Variants in DNAAF11 observed in about 807,000 individuals in gnomAD.
The protein encoded by DNAAF11 is leucine rich repeat containing 6.
DNAAF11 carries 45 observed loss-of-function variants against 60.8 expected under a neutral mutation model. The ratio of observed to expected loss-of-function variants is 0.74; its 90% CI spans 0.58 to 0.95. The LOEUF (loss-of-function observed/expected upper bound fraction) is 0.95, where lower values mean the gene tolerates loss of function less well. DNAAF11 is among the 40% of genes least tolerant of loss of function. The pLI, the probability that DNAAF11 is intolerant of heterozygous loss-of-function variation, is 0.00. For synonymous variants in DNAAF11, 191 were observed against 183.5 expected, an observed-to-expected ratio of 1.04 and a Z score of -0.33; for missense variants, 546 against 546.2, an observed-to-expected ratio of 1.00 and a Z score of 0.00.
the DNAAF11 span, among the ~76,000 whole-genome samples, chr8:132,683,826 G>C: frequency 2.1e-5 from 2 of 95,706 alleles, no homozygotes; most frequent in Admixed American, 1.6e-4. Context: ...AGAAGCTCAA[G>C]TGACCCCTCC....
intron 11 of DNAAF11, among the ~76,000 whole-genome samples, chr8:132,579,335 A>G (rs1815081299): frequency 6.6e-6 from 1 of 152,286 alleles, no homozygotes; most frequent in South Asian, 2.1e-4. Flanking sequence ...ACTTATAGAC[A>G]GGCAGCAGAG....
intron 3 of DNAAF11, among the ~76,000 whole-genome samples, chr8:132,648,371 G>A (rs1224055755): frequency 6.6e-6 from 1 of 152,086 alleles, no homozygotes; most frequent in Admixed American, 6.5e-5. Context: ...AAAATATTAA[G>A]AGCTATTTAT....
chr8:132,581,008 A>C (rs567899848), intron 11 of DNAAF11, among the ~76,000 whole-genome samples: 1 of 152,224 alleles, frequency 6.6e-6, no homozygotes, highest in South Asian at 2.1e-4. Flanking sequence ...ACAGATGTGG[A>C]CTCCTGGTCT....
upstream of DNAAF11, among the ~76,000 whole-genome samples, chr8:132,678,793 A>T (rs1825825008): frequency 6.6e-6 from 1 of 151,100 alleles, no homozygotes; most frequent in Non-Finnish European, 1.5e-5. Flanking sequence ...AGAATTTATA[A>T]GAATAAAAAT....
intron 1 of DNAAF11, among the ~76,000 whole-genome samples, chr8:132,670,927 G>A (rs144216479): frequency 3.3e-5 from 5 of 151,978 alleles, no homozygotes; most frequent in East Asian, 1.9e-4. Flanking sequence ...ACAACAACTC[G>A]GAAAACCAGA....
At chr8:132,576,013 C>T (rs1257257066) in intron 11 of DNAAF11, among the ~76,000 whole-genome samples, 1 of 152,158 alleles carries the variant, frequency 6.6e-6, no homozygotes, top group Non-Finnish European at 1.5e-5. Context: ...ACCTCGCCCA[C>T]TACATTTTTC....
intron 9 of DNAAF11, 60 bp from the exon 10 acceptor site, chr8:132,610,321 T>C: frequency 1.9e-6 from 2 of 1,054,758 alleles, no homozygotes; most frequent in Non-Finnish European, 3.0e-6. Flanking sequence ...AGAGGGTTAC[T>C]AAAAGGGGCA....
chr8:132,661,590 G>A lies in DNAAF11; in HGVS notation c.48C>T (p.Asn16=), dbSNP rs770150116. 82 of 1,613,888 alleles carry A rather than the reference G, an allele frequency of 5.1e-5. No individual in the cohort carries two copies. The highest frequency in any genetic ancestry group is 6.7e-5 in the East Asian group (3 of 44,892). ...EDLIRRNAEH[N]DCVIFSLEEL... is the part of the protein sequence containing the mutation. ...CCTCCAGGGAAAAAATGACACAGTC[G>A]TTGTGTTCAGCATTCCGTCTAATAA... The change falls in exon 2 of 12, where the codon AAC becomes AAT. Residue 16 remains asparagine (N), a synonymous_variant. Transcript: ENST00000620350.
chr8:132,647,743 A>C (rs1392392989), intron 3 of DNAAF11, among the ~76,000 whole-genome samples: 2 of 152,266 alleles, frequency 1.3e-5, no homozygotes, highest in Non-Finnish European at 2.9e-5. Flanking sequence ...ACCTCTACGC[A>C]AATAAACTAG....
chr8:132,681,003 CTTTTTTTTTTTTTTT>C, the DNAAF11 span, among the ~76,000 whole-genome samples: 1 of 52,336 alleles, frequency 1.9e-5, no homozygotes, highest in Non-Finnish European at 3.1e-5. Flanking sequence ...ATAACTATTC[CTTTTTTTTTTTTTTT>C]TTTTTTTTTG....
Position 132,632,939 on chromosome 8 carries a change from GCTCTATTTCTTTAC to G in DNAAF11, c.440_453del (p.Gly147AlafsTer6). ...TGCAATGCCTTAATCCTTTCTGAAG[GCTCTATTTCTTTAC>G]CATCCAACCACTTAAAGAAAAACAA... On this transcript the variant is annotated frameshift_variant, in exon 5 of 12. Coordinates refer to ENST00000620350, the MANE Select transcript of DNAAF11 (RefSeq NM_012472.6). LOFTEE classifies it high-confidence loss of function. 1 of 1,612,650 alleles carries G rather than the reference GCTCTATTTCTTTAC, an allele frequency of 6.2e-7. No individual in the cohort carries two copies.
At chr8:132,653,260 TGTA>T (rs1267735025) in intron 3 of DNAAF11, among the ~76,000 whole-genome samples, 1 of 152,056 alleles carries the variant, frequency 6.6e-6, no homozygotes, top group Admixed American at 6.6e-5. Context: ...ATGGTAAAAA[TGTA>T]GTTGTCAACG....
the DNAAF11 span, among the ~76,000 whole-genome samples, chr8:132,694,124 G>A: frequency 6.6e-6 from 1 of 152,180 alleles, no homozygotes; most frequent in Non-Finnish European, 1.5e-5. Context: ...CTTGAAGTTG[G>A]TAAGCAGGGG....
At chr8:132,578,365 A>T in intron 11 of DNAAF11, 1 of 1,181,936 alleles carries the variant, frequency 8.5e-7, no homozygotes. Flanking sequence ...GCACTTGAAG[A>T]TCACAATAAT....
chr8:132,606,975 G>T (rs1439645634), intron 10 of DNAAF11, among the ~76,000 whole-genome samples: 1 of 152,160 alleles, frequency 6.6e-6, no homozygotes. Flanking sequence ...GTTTATTGTT[G>T]TAGAAAGAAA....
In DNAAF11 at chr8:132,632,760, G is replaced by A. The variant is rs750603177; in HGVS notation, c.633C>T (p.Tyr211=). 1.2e-5 allele frequency: 19 copies of A among 1,610,672 alleles called. No homozygotes were observed. In the Admixed American group the frequency reaches 2.3e-4, roughly 20 times the overall value. The stretch of plus-strand genomic sequence containing the variant: ...CATACAGAGTAGCATTGATGTCTGT[G>A]TACCAACGTCCATCAAAGCCTGCGT... The part of the protein sequence containing the change: ...RSNAGFDGRW[Y]TDINATLSSL... Residue 211 remains tyrosine (Y), a synonymous_variant, in exon 5 of 12, where the codon TAC becomes TAT. Transcript: ENST00000620350.
In DNAAF11 at chr8:132,583,713, T is replaced by G. The variant is rs1214577037; in HGVS notation, c.1207A>C (p.Arg403=). Residue 403 remains arginine, a synonymous_variant, in exon 11 of 12, where the codon AGA becomes CGA. Coordinates refer to ENST00000620350, the MANE Select transcript of DNAAF11 (RefSeq NM_012472.6). ...TGGTACCTTGTATTTGTTTGTTCTC[T>G]GCTCCTGTCCGAGGTAGTTTTCATA... The part of the protein sequence containing the change: ...KSMKTTSDRS[R]EQTNTRSKHM... 6.2e-7 allele frequency: 1 copy of G among 1,613,726 alleles called. No individual in the cohort carries two copies. The highest frequency in any genetic ancestry group is 2.2e-5 in the East Asian group (1 of 44,848).
At chr8:132,585,512 A>C (rs1397572188) in intron 10 of DNAAF11, among the ~76,000 whole-genome samples, 1 of 152,180 alleles carries the variant, frequency 6.6e-6, no homozygotes, top group African/African-American at 2.4e-5. Context: ...TCACAAGTGG[A>C]CGGCAAGACT....
intron 1 of DNAAF11, among the ~76,000 whole-genome samples, chr8:132,671,855 T>C (rs376583059): frequency 1.3e-5 from 2 of 151,062 alleles, no homozygotes; most frequent in South Asian, 4.2e-4. Context: ...ACATCTCACA[T>C]CATATACAAA....
Sources: allele counts gnomAD v4.1 joint callset (sites outside exome capture counted in the v4.1 genomes callset), GRCh38; gene constraint gnomAD v4.1.1; transcripts MANE v1.5; gene names NCBI Gene and HGNC (gene_info 2026-07-23, HGNC 2026-07-21).